Variants in RELB observed in about 807,000 individuals in gnomAD.
The protein encoded by RELB is RELB proto-oncogene, NF-kB subunit.
RELB carries 14 observed loss-of-function variants against 55.4 expected under a neutral mutation model. The ratio of observed to expected loss-of-function variants is 0.25; its 90% CI spans 0.17 to 0.40. The LOEUF (loss-of-function observed/expected upper bound fraction) is 0.40. Ranked by LOEUF, RELB falls within the 10% of genes least tolerant of loss-of-function variation. The probability of loss-of-function intolerance (pLI) is 1.00; values close to 1 mark genes in which losing one functional copy is unlikely to be tolerated. For synonymous variants in RELB, 409 were observed against 371.3 expected, an observed-to-expected ratio of 1.10 and a Z score of -1.17; for missense variants, 669 against 830.7, an observed-to-expected ratio of 0.81 and a Z score of 2.39.
In RELB at chr19:45,030,303, T is replaced by C. The variant is rs140993429; in HGVS notation, c.991+1311T>C. 4.0e-5 allele frequency among the ~76,000 whole-genome samples: 6 copies of C among 151,858 alleles called. No homozygotes were observed. In the East Asian group the frequency reaches 1.2e-3, roughly 30 times the overall value. On this transcript the variant is annotated intron_variant, in intron 8 of 11. Transcript: ENST00000221452. ...GTCTGGGCAACATAGCAAGCCCCCA[T>C]CTCTACAAAAAAAAGTTCTTTTTAA... is the stretch of plus-strand genomic sequence containing the variant.
chr19:45,004,663 T>A (rs1195734408), intron 2 of RELB, among the ~76,000 whole-genome samples: 2 of 145,540 alleles, frequency 1.4e-5, no homozygotes, highest in Non-Finnish European at 3.0e-5. Context: ...AGGTCGGGAG[T>A]TCTAGACCAG....
Position 45,037,567 on chromosome 19 carries a change from C to G in RELB, c.1517C>G (p.Pro506Arg). ...CTCTTCACCATGCTGGACCTGCTGC[C>G]CCCGGCACCGCCACACGCTAGCGCT... ...PTLFTMLDLL[P>R]PAPPHASAVV... Residue 506 changes from proline (P) to arginine (R), a missense_variant, in exon 12 of 12, where the codon CCC (proline) becomes CGC (arginine). Pro to Arg is a moderately radical substitution (Grantham distance 103). Around this residue, in one of 3 missense-constraint regions of RELB, gnomAD observed 341 missense variants for 436.8 expected, o/e 0.78. Transcript: ENST00000221452. 6.2e-7 allele frequency: 1 copy of G among 1,612,876 alleles called. No individual in the cohort carries two copies. The highest frequency in any genetic ancestry group is 2.2e-5 in the East Asian group (1 of 44,778).
At chr19:45,025,837 G>A (rs755267140) in intron 7 of RELB, 100 bp downstream of exon 7, 80 of 1,459,002 alleles carry the variant, frequency 5.5e-5, no homozygotes, top group Admixed American at 6.9e-5. Context: ...TGTGGCTCAC[G>A]CCTGTAATCC....
chr19:45,032,416 A>C, intron 8 of RELB, 118 bp from the exon 9 acceptor site: 1 of 590,832 alleles, frequency 1.7e-6, no homozygotes, highest in Non-Finnish European at 2.4e-6. Context: ...AAGACTCTCA[A>C]AAAAAAAAAA....
intron 5 of RELB, among the ~76,000 whole-genome samples, chr19:45,022,940 CTT>C (rs1971507998): frequency 6.6e-6 from 1 of 152,110 alleles, no homozygotes; most frequent in Non-Finnish European, 1.5e-5. Context: ...ACATCTAAAA[CTT>C]TGAGCATTTT....
chr19:45,022,317 C>A (rs1176296723), intron 5 of RELB, 107 bp downstream of exon 5: 3 of 1,110,034 alleles, frequency 2.7e-6, no homozygotes, highest in Non-Finnish European at 3.8e-6. Flanking sequence ...GGTAAACCCT[C>A]CCCACTGCCT....
intron 4 of RELB, among the ~76,000 whole-genome samples, chr19:45,021,434 G>A (rs1273384817): frequency 2.1e-5 from 3 of 144,160 alleles, no homozygotes; most frequent in Admixed American, 1.4e-4. Flanking sequence ...TCCAGCCTGG[G>A]CGACAGAGCG....
intron 7 of RELB, among the ~76,000 whole-genome samples, chr19:45,027,287 A>G (rs1488975104): frequency 1.3e-5 from 2 of 152,000 alleles, no homozygotes; most frequent in Non-Finnish European, 2.9e-5. Context: ...AAAAAAGAGA[A>G]TAAGTTATTC....
At chr19:45,003,141 G>A in intron 2 of RELB, 145 bp downstream of exon 2, 1 of 764,890 alleles carries the variant, frequency 1.3e-6, no homozygotes, top group Non-Finnish European at 2.1e-6. Context: ...CAGTTGAGAT[G>A]GGCCCCCTAG....
At chr19:45,007,956 A>G (rs570607528) in intron 2 of RELB, among the ~76,000 whole-genome samples, 11 of 147,386 alleles carry the variant, frequency 7.5e-5, no homozygotes, top group Non-Finnish European at 1.3e-4. Flanking sequence ...GGAGATCGAG[A>G]CTAGCCTGAC....
rs1389578668 is a variant in RELB, at chr19:45,037,957, C to T, written c.*167C>T. On this transcript the variant is annotated 3_prime_UTR_variant, in exon 12 of 12. Coordinates refer to ENST00000221452, the MANE Select transcript of RELB (RefSeq NM_006509.4). ...TCCGTTGCACGGGTTTCCCCTTGAG[C>T]CCATTTTACAGATGAGGAAACTGAG... 3 of 612,042 alleles carry T rather than the reference C, an allele frequency of 4.9e-6. No individual in the cohort carries two copies. Among genetic ancestry groups the T allele is most frequent in the East Asian group, 3.4e-5 (1 of 29,016 alleles). 37.9% of individuals were successfully genotyped at this position (612,042 alleles called of 1,614,324 possible). A position where few individuals can be genotyped will look rare whatever the true frequency, so the allele number is the denominator to read the frequency against.
At chr19:45,004,655 G>T (rs1971261076) in intron 2 of RELB, among the ~76,000 whole-genome samples, 1 of 151,048 alleles carries the variant, frequency 6.6e-6, no homozygotes, top group African/African-American at 2.4e-5. Context: ...ATCACCTGAG[G>T]TCGGGAGTTC....
intron 7 of RELB, among the ~76,000 whole-genome samples, chr19:45,027,807 C>A (rs778116550): frequency 7.9e-5 from 12 of 151,900 alleles, no homozygotes; most frequent in Non-Finnish European, 1.3e-4. Flanking sequence ...CCTCAAGGAA[C>A]CTTCTCTCAC....
intron 4 of RELB, among the ~76,000 whole-genome samples, chr19:45,017,078 A>AC (rs1157600660): frequency 6.6e-6 from 1 of 151,904 alleles, no homozygotes; most frequent in Non-Finnish European, 1.5e-5. Flanking sequence ...TCAACCAGCC[A>AC]CCCCCCAAAT....
Position 45,001,688 on chromosome 19 carries a change from A to T in RELB, c.106+3A>T, listed in dbSNP as rs1363258751. The T allele has an allele frequency of 2.5e-5, 38 of 1,516,416 alleles. No individual in the cohort carries two copies. Among genetic ancestry groups the T allele is most frequent in the Admixed American group, 4.1e-5 (2 of 49,150 alleles). The allele number at this position is 1,516,416 out of a possible 1,614,324, so 93.9% of individuals were successfully genotyped here. ...TGCGCCGGAGCTGGGGGCCTTAGGT[A>T]AGCGGGGCTGGGGTTCAGGAGAGGG... On this transcript the variant is annotated splice_donor_region_variant and intron_variant, in intron 1 of 11. Coordinates refer to ENST00000221452, the MANE Select transcript of RELB (RefSeq NM_006509.4).
intron 10 of RELB, 64 bp from the exon 11 acceptor site, chr19:45,034,387 C>T: frequency 6.2e-7 from 1 of 1,607,878 alleles, no homozygotes; most frequent in Non-Finnish European, 8.5e-7. Context: ...CTGCCCTGTC[C>T]CACCCCAGGC....
chr19:45,029,261 C>T (rs776096687), intron 8 of RELB, among the ~76,000 whole-genome samples: 5 of 152,148 alleles, frequency 3.3e-5, no homozygotes, highest in South Asian at 2.1e-4. Context: ...ACAGAGCTCA[C>T]GACATGTCCA....
At chr19:45,006,955 G>GAA (rs961433718) in intron 2 of RELB, among the ~76,000 whole-genome samples, 8 of 91,844 alleles carry the variant, frequency 8.7e-5, no homozygotes, top group Admixed American at 2.5e-4. Flanking sequence ...AACTCCATCT[G>GAA]AAAAAAAAAA....
At chr19:45,007,416 C>A (rs1442355604) in intron 2 of RELB, among the ~76,000 whole-genome samples, 2 of 152,182 alleles carry the variant, frequency 1.3e-5, no homozygotes, top group African/African-American at 2.4e-5. Flanking sequence ...GATTCTGAAT[C>A]CTCATGTTAG....
Sources: gnomAD v4.1 joint callset for allele counts (sites outside exome capture counted in the v4.1 genomes callset) on GRCh38, gnomAD v4.1.1 for gene constraint, gnomAD v4.1.1 regional missense constraint, MANE v1.5 for transcripts, NCBI Gene and HGNC (gene_info 2026-07-23, HGNC 2026-07-21) for gene names.